CNTN5: variants seen among roughly 807,000 people sequenced by gnomAD.
The protein encoded by CNTN5 is contactin 5, also known as contactin-5.
In CNTN5, 77 loss-of-function variants were observed where a neutral mutation model predicts 129.1. The observed-to-expected ratio is 0.60, with a 90% CI of 0.50 to 0.72. The LOEUF is 0.72. Among genes scored for constraint, CNTN5 ranks in the 30% least tolerant of loss-of-function variants. The pLI is 0.00. For missense variants in CNTN5, 1,478 were observed against 1,328.8 expected, an observed-to-expected ratio of 1.11 and a Z score of -1.75; for synonymous variants, 509 against 465.6, an observed-to-expected ratio of 1.09 and a Z score of -1.20.
At chr11:99,378,550 A>G (rs1026990898) in intron 2 of CNTN5, among the ~76,000 whole-genome samples, 6 of 152,082 alleles carry the variant, frequency 3.9e-5, no homozygotes, top group African/African-American at 1.4e-4. Flanking sequence ...TTGAGACTCT[A>G]TGATTCAAAA....
intron 9 of CNTN5, among the ~76,000 whole-genome samples, chr11:100,027,193 C>A (rs901875313): frequency 2.0e-5 from 3 of 152,142 alleles, no homozygotes; most frequent in Non-Finnish European, 4.4e-5. Flanking sequence ...TTATGAGTTA[C>A]ATTTTCCTGA....
intron 3 of CNTN5, among the ~76,000 whole-genome samples, chr11:99,737,722 G>A (rs909763972): frequency 6.6e-6 from 1 of 152,034 alleles, no homozygotes; most frequent in Admixed American, 6.5e-5. Flanking sequence ...TCACACAAGA[G>A]TTATGAAGAT....
intron 18 of CNTN5, 102 bp from the exon 19 acceptor site, chr11:100,297,523 G>T: frequency 1.2e-6 from 1 of 816,440 alleles, no homozygotes; most frequent in South Asian, 1.5e-5. Flanking sequence ...TCTTTAATAT[G>T]ACCATTCTGA....
At chr11:99,265,818 T>C (rs1006687630) in intron 1 of CNTN5, among the ~76,000 whole-genome samples, 3 of 152,068 alleles carry the variant, frequency 2.0e-5, no homozygotes, top group Admixed American at 6.6e-5. Flanking sequence ...TTTAAAATAA[T>C]AAAATCTCAT....
chr11:99,125,539 G>A (rs1399568659), intron 1 of CNTN5, among the ~76,000 whole-genome samples: 2 of 152,084 alleles, frequency 1.3e-5, no homozygotes, highest in Non-Finnish European at 2.9e-5. Flanking sequence ...CTGAAAACTG[G>A]AAGAGGACAA....
In CNTN5 at chr11:100,271,226, C is replaced by T. The variant is rs370172429; in HGVS notation, c.2299C>T (p.Arg767Cys). 2.6e-5 allele frequency: 42 copies of T among 1,601,880 alleles called. No homozygotes were observed. The highest frequency in any genetic ancestry group is 9.4e-5 in the African/African-American group (7 of 74,468). ...GDPSTPSRMI[R>C]TNEAVPKTAP... ...TCCAAGCACCCCATCTCGAATGATCCGCACAAATGAAGCAGGTAAAAATTT... is the reference window on the plus strand; with the variant it reads ...TCCAAGCACCCCATCTCGAATGATCTGCACAAATGAAGCAGGTAAAAATTT... The change falls in exon 18 of 25, where the codon CGC (arginine) becomes TGC (cysteine). Residue 767 changes from arginine to cysteine, a missense_variant. Physicochemically the swap from Arg to Cys is radical, Grantham distance 180 (BLOSUM62 -3). Transcript: ENST00000524871.
intron 3 of CNTN5, among the ~76,000 whole-genome samples, chr11:99,643,960 A>G (rs1005006579): frequency 1.3e-5 from 2 of 152,194 alleles, no homozygotes; most frequent in African/African-American, 4.8e-5. Flanking sequence ...TATGCCAGAA[A>G]TACATGTCCC....
intron 1 of CNTN5, among the ~76,000 whole-genome samples, chr11:99,323,204 C>T: frequency 6.6e-6 from 1 of 152,020 alleles, no homozygotes; most frequent in Non-Finnish European, 1.5e-5. Context: ...GACATCATTA[C>T]CCCCAGAAAT....
chr11:99,036,087 T>C, intron 1 of CNTN5, among the ~76,000 whole-genome samples: 1 of 152,168 alleles, frequency 6.6e-6, no homozygotes, highest in Non-Finnish European at 1.5e-5. Flanking sequence ...TTGAGAATGT[T>C]GAATATTGGC....
chr11:99,629,222 A>G (rs1951247981), intron 3 of CNTN5, among the ~76,000 whole-genome samples: 1 of 152,052 alleles, frequency 6.6e-6, no homozygotes, highest in African/African-American at 2.4e-5. Context: ...TATTATATAA[A>G]AGATTGAATT....
At chr11:99,131,102 A>G (rs1858909292) in intron 1 of CNTN5, among the ~76,000 whole-genome samples, 3 of 7,880 alleles carry the variant, frequency 3.8e-4, no homozygotes, top group Admixed American at 2.1e-3. Flanking sequence ...CTCTACTAAA[A>G]ATACAAAAAA....
At chr11:99,877,383 A>T (rs1395108117) in intron 6 of CNTN5, among the ~76,000 whole-genome samples, 2 of 152,184 alleles carry the variant, frequency 1.3e-5, no homozygotes, top group Non-Finnish European at 2.9e-5. Context: ...ATTCAGGTCC[A>T]GTATATCAAC....
chr11:100,207,163 A>G lies in CNTN5; in HGVS notation c.1884+13500A>G, dbSNP rs573220141. ...AGATGGACCTTTAAACAACTATTTA[A>G]CATGATAAGCTTTATAGTATTCAGA... On this transcript the variant is annotated intron_variant, in intron 15 of 24. Coordinates refer to ENST00000524871, the MANE Select transcript of CNTN5 (RefSeq NM_014361.4). Among the ~76,000 whole-genome samples the G allele has an allele frequency of 3.3e-5, 5 of 152,230 alleles. No homozygotes were observed. In the East Asian group the frequency reaches 9.7e-4, roughly 29 times the overall value.
Position 99,135,452 on chromosome 11 carries a change from C to T in CNTN5, c.-210+114182C>T, listed in dbSNP as rs17133135. Among the ~76,000 whole-genome samples, 1,289 of 152,158 alleles carry T rather than the reference C, an allele frequency of 8.5e-3. 22 individuals are homozygous for T. Among genetic ancestry groups the T allele is most frequent in the African/African-American group, 0.029 (1,197 of 41,498 alleles). On this transcript the variant is annotated intron_variant, in intron 1 of 24. Coordinates refer to ENST00000524871, the MANE Select transcript of CNTN5 (RefSeq NM_014361.4). The stretch of plus-strand genomic sequence containing the variant: ...GCAAGTACAAAGACATTACGGTGAA[C>T]ATAGGCACAGTATGCTCCAGAAACA...
chr11:100,297,618 T>C lies in CNTN5; in HGVS notation c.2315-7T>C. ...TCTCCTCACTCTCCACCCATTTTTA[T>C]CCACAGTTCCGAAGACAGCACCCAC... On this transcript the variant is annotated splice_region_variant and splice_polypyrimidine_tract_variant and intron_variant, in intron 18 of 24. Transcript: ENST00000524871. The C allele has an allele frequency of 1.2e-6, 2 of 1,603,450 alleles. No individual in the cohort carries two copies. The highest frequency in any genetic ancestry group is 1.7e-6 in the Non-Finnish European group (2 of 1,173,530).
At chr11:100,285,668 C>T (rs564765221) in intron 18 of CNTN5, among the ~76,000 whole-genome samples, 17 of 152,332 alleles carry the variant, frequency 1.1e-4, no homozygotes, top group Admixed American at 9.8e-4. Flanking sequence ...TTTTCCTACA[C>T]TGTATTCCGT....
intron 9 of CNTN5, among the ~76,000 whole-genome samples, chr11:100,055,355 T>A (rs1356625822): frequency 6.6e-6 from 1 of 151,626 alleles, no homozygotes; most frequent in Non-Finnish European, 1.5e-5. Context: ...CACATTATTT[T>A]TATTGCTGTT....
At chr11:99,068,798 T>A (rs1865212891) in intron 1 of CNTN5, among the ~76,000 whole-genome samples, 1 of 152,156 alleles carries the variant, frequency 6.6e-6, no homozygotes, top group South Asian at 2.1e-4. Context: ...ACTGAGTATA[T>A]TTTGTTTGAG....
At chr11:99,050,007 A>G (rs1209101819) in intron 1 of CNTN5, among the ~76,000 whole-genome samples, 1 of 152,130 alleles carries the variant, frequency 6.6e-6, no homozygotes, top group Non-Finnish European at 1.5e-5. Flanking sequence ...TGGTGAGAGT[A>G]TTATGCAATG....
Sources: gnomAD v4.1 joint callset for allele counts (sites outside exome capture counted in the v4.1 genomes callset) on GRCh38, gnomAD v4.1.1 for gene constraint, MANE v1.5 for transcripts, NCBI Gene and HGNC (gene_info 2026-07-23, HGNC 2026-07-21) for gene names.